Variants in NCS1 observed in about 807,000 individuals in gnomAD.
NCS1 encodes neuronal calcium sensor 1.
Under a neutral mutation model 28.4 loss-of-function variants are expected in NCS1, and 6 were observed. The observed-to-expected ratio is 0.21, with a 90% confidence interval of 0.12 to 0.42. The LOEUF (loss-of-function observed/expected upper bound fraction) is 0.42. Ranked by LOEUF, NCS1 falls within the 10% of genes least tolerant of loss-of-function variation. NCS1 has a pLI of 1.00. For synonymous variants in NCS1, 86 were observed against 99.3 expected, an observed-to-expected ratio of 0.87 and a Z score of 0.79; for missense variants, 131 against 241.4, an observed-to-expected ratio of 0.54 and a Z score of 3.03.
At chr9:130,212,268 A>G (rs782211981) in intron 2 of NCS1, among the ~76,000 whole-genome samples, 6 of 152,110 alleles carry the variant, frequency 3.9e-5, no homozygotes, top group Non-Finnish European at 8.8e-5. Context: ...GGGGGTCCCC[A>G]GAGACCATCT....
chr9:130,227,376 G>A (rs967560609), intron 7 of NCS1, among the ~76,000 whole-genome samples: 3 of 152,202 alleles, frequency 2.0e-5, no homozygotes, highest in Non-Finnish European at 4.4e-5. Context: ...TCTTGTCCAC[G>A]TCCTGGTGAA....
In NCS1 at chr9:130,189,889, T is replaced by A. The variant is rs868921835; in HGVS notation, c.65-11069T>A. 2.8e-3 allele frequency among the ~76,000 whole-genome samples: 320 copies of A among 114,198 alleles called. 5 individuals carry two copies. Among genetic ancestry groups the A allele is most frequent in the African/African-American group, 0.011 (278 of 25,778 alleles). The allele number at this position is 114,198 out of a possible 152,430, so 74.9% of individuals were successfully genotyped here. The stretch of plus-strand genomic sequence containing the variant: ...AAAAAAAAAAAAAAAAATATATATA[T>A]ATATATATATATATATATATTCCCA... On this transcript the variant is annotated intron_variant, in intron 1 of 7. Transcript: ENST00000372398.
chr9:130,211,580 C>T (rs1301290655), intron 2 of NCS1, among the ~76,000 whole-genome samples: 7 of 151,828 alleles, frequency 4.6e-5, no homozygotes, highest in African/African-American at 1.7e-4. Flanking sequence ...TTTCGGCTTC[C>T]ACCTGGCTGT....
rs2131169333 is a variant in NCS1 at position 130,236,284 on chromosome 9, A to G, written c.*3312A>G. On this transcript the variant is annotated 3_prime_UTR_variant, in exon 8 of 8. Transcript: ENST00000372398. ...GTCACCCTGTTCCCAGCGCGGTTTC[A>G]GCATTTAATTTTAAGGGAGCTAAGG... The G allele has an allele frequency of 6.6e-6, 1 of 152,260 alleles. No individual in the cohort carries two copies. The highest frequency in any genetic ancestry group is 2.4e-5 in the African/African-American group (1 of 41,554). The allele number at this position is 152,260 out of a possible 1,614,324, so 9.4% of individuals were successfully genotyped here.
At chr9:130,217,559 C>G (rs1386544934) in intron 2 of NCS1, among the ~76,000 whole-genome samples, 1 of 152,224 alleles carries the variant, frequency 6.6e-6, no homozygotes, top group Non-Finnish European at 1.5e-5. Flanking sequence ...AGTGCTCACT[C>G]TGTGTGCAGT....
At chr9:130,199,668 C>T (rs757227384) in intron 1 of NCS1, among the ~76,000 whole-genome samples, 1 of 152,222 alleles carries the variant, frequency 6.6e-6, no homozygotes, top group African/African-American at 2.4e-5. Context: ...AGCTAAAGCA[C>T]AGAGGCCCGC....
intron 1 of NCS1, among the ~76,000 whole-genome samples, chr9:130,184,432 A>T (rs1832712990): frequency 6.6e-6 from 1 of 151,632 alleles, no homozygotes; most frequent in Non-Finnish European, 1.5e-5. Context: ...AGGATTGTGG[A>T]TGGCATTCAT....
chr9:130,207,272 G>A (rs1294803196), intron 2 of NCS1, among the ~76,000 whole-genome samples: 1 of 152,182 alleles, frequency 6.6e-6, no homozygotes, highest in East Asian at 1.9e-4. Flanking sequence ...GTGACTTCCC[G>A]CTGCACTTAG....
chr9:130,212,263 T>C (rs371939665), intron 2 of NCS1, among the ~76,000 whole-genome samples: 1 of 151,694 alleles, frequency 6.6e-6, no homozygotes, highest in African/African-American at 2.4e-5. Context: ...CTTGTGGGGG[T>C]CCCCAGAGAC....
Position 130,217,987 on chromosome 9 carries a change from T to G in NCS1, c.228+17T>G. ...GAAAACAAGGTGAGCTGGGGATTGA[T>G]GGGGCCTGCGGCAGCTGGCTCAGCT... On this transcript the variant is annotated intron_variant, in intron 3 of 7. Transcript: ENST00000372398. 1 of 1,614,086 alleles carries G rather than the reference T, an allele frequency of 6.2e-7. No homozygotes were observed. The highest frequency in any genetic ancestry group is 8.5e-7 in the Non-Finnish European group (1 of 1,180,004).
At chr9:130,188,136 G>A (rs1832764085) in intron 1 of NCS1, among the ~76,000 whole-genome samples, 1 of 152,234 alleles carries the variant, frequency 6.6e-6, no homozygotes, top group Non-Finnish European at 1.5e-5. Flanking sequence ...AATAGTAGTG[G>A]CAATTGTTAA....
At position 130,221,445 on chromosome 9, in the gene NCS1, G is replaced by A. The variant is rs1048773587; in HGVS notation, c.308-1205G>A. 1.5e-3 allele frequency among the ~76,000 whole-genome samples: 213 copies of A among 140,318 alleles called. 1 individual carries two copies. Among genetic ancestry groups the A allele is most frequent in the African/African-American group, 5.2e-3 (199 of 37,922 alleles). The allele number at this position is 140,318 out of a possible 152,430, so 92.1% of individuals were successfully genotyped here. A position where few individuals can be genotyped will look rare whatever the true frequency, so the allele number is the denominator to read the frequency against. On this transcript the variant is annotated intron_variant, in intron 4 of 7. Transcript: ENST00000372398. ...AGAGAGAGAGAGAGAGAGAGAGAGA[G>A]AGAGAGAAAGAGAGAGTCTTGCTCT...
intron 1 of NCS1, chr9:130,200,701 G>T: frequency 6.5e-7 from 1 of 1,536,724 alleles, no homozygotes; most frequent in South Asian, 1.2e-5. Flanking sequence ...TCTCCCAGCA[G>T]CGGCAGTGGC....
chr9:130,185,239 T>G lies in NCS1; in HGVS notation c.64+12512T>G, dbSNP rs75684634. On this transcript the variant is annotated intron_variant, in intron 1 of 7. Coordinates refer to ENST00000372398, the MANE Select transcript of NCS1 (RefSeq NM_014286.4). Reference sequence around the variant, plus strand: ...GGAGCTGTGAGGACCGACTGCATCTTATTGCATGACTGCGTCTCGTTGCGT... The same window carrying G: ...GGAGCTGTGAGGACCGACTGCATCTGATTGCATGACTGCGTCTCGTTGCGT... Among the ~76,000 whole-genome samples the G allele has an allele frequency of 8.1e-3, 1,237 of 152,384 alleles. 15 individuals are homozygous for G. The highest frequency in any genetic ancestry group is 0.028 in the African/African-American group (1,185 of 41,590).
chr9:130,196,757 A>G (rs1288844450), intron 1 of NCS1, among the ~76,000 whole-genome samples: 4 of 152,190 alleles, frequency 2.6e-5, no homozygotes, highest in Admixed American at 2.0e-4. Context: ...AAAGAAAAAG[A>G]AAAAGGGCAT....
intron 2 of NCS1, among the ~76,000 whole-genome samples, chr9:130,202,369 C>T (rs1395322645): frequency 1.1e-4 from 16 of 149,786 alleles, no homozygotes; most frequent in Admixed American, 4.0e-4. Flanking sequence ...CTGAAACCCC[C>T]CAGGCCTCTG....
In NCS1 at chr9:130,235,771, C is replaced by G. The variant is rs1242689185; in HGVS notation, c.*2799C>G. On this transcript the variant is annotated 3_prime_UTR_variant, in exon 8 of 8. Transcript: ENST00000372398. ...TGCAGTGATGCCGCAGAATCCTGAG[C>G]CAGGTGCCTCCTGAGCAGCCCGTGC... 6.6e-6 allele frequency: 1 copy of G among 152,564 alleles called. No homozygotes were observed. The highest frequency in any genetic ancestry group is 2.1e-4 in the South Asian group (1 of 4,846). 9.5% of individuals were successfully genotyped at this position (152,564 alleles called of 1,614,324 possible). A position where few individuals can be genotyped will look rare whatever the true frequency, so the allele number is the denominator to read the frequency against.
At chr9:130,189,879 A>AAAAATATATAT (rs1554906056) in intron 1 of NCS1, among the ~76,000 whole-genome samples, 2 of 37,750 alleles carry the variant, frequency 5.3e-5, no homozygotes, top group African/African-American at 2.3e-4. Context: ...AAAAAAAAAA[A>AAAAATATATAT]ATATATATAT....
intron 1 of NCS1, among the ~76,000 whole-genome samples, chr9:130,198,182 A>G (rs1374057233): frequency 6.6e-6 from 1 of 151,474 alleles, no homozygotes; most frequent in African/African-American, 2.4e-5. Context: ...CTGTGGGGGG[A>G]CCTTTCCAAT....
Sources: gnomAD v4.1 joint callset for allele counts (sites outside exome capture counted in the v4.1 genomes callset) on GRCh38, gnomAD v4.1.1 for gene constraint, MANE v1.5 for transcripts, NCBI Gene and HGNC (gene_info 2026-07-23, HGNC 2026-07-21) for gene names.